Variants in GLIS3 observed in about 807,000 individuals in gnomAD.
GLIS3 encodes GLIS family zinc finger 3, also known as zinc finger protein GLIS3.
A neutral mutation model predicts 78.6 loss-of-function variants in GLIS3; 53 were observed. The ratio of observed to expected loss-of-function variants is 0.67; its 90% CI spans 0.54 to 0.85. GLIS3 has a LOEUF of 0.85. Ranked by LOEUF, GLIS3 falls within the 40% of genes least tolerant of loss-of-function variation. The pLI, the probability that GLIS3 is intolerant of heterozygous loss-of-function variation, is 0.00. For missense variants in GLIS3, 1,703 were observed against 1,231.1 expected, an observed-to-expected ratio of 1.38 and a Z score of -5.74; for synonymous variants, 684 against 509.9, an observed-to-expected ratio of 1.34 and a Z score of -4.60.
chr9:3,919,152 G>A (rs1436903078), intron 6 of GLIS3, among the ~76,000 whole-genome samples: 3 of 152,150 alleles, frequency 2.0e-5, no homozygotes, highest in Non-Finnish European at 4.4e-5. Context: ...AAAGCATGGG[G>A]AAAATCTACC....
intron 2 of GLIS3, among the ~76,000 whole-genome samples, chr9:4,192,917 C>T (rs1818462163): frequency 6.6e-6 from 1 of 152,072 alleles, no homozygotes; most frequent in African/African-American, 2.4e-5. Context: ...AAAGAAGTAT[C>T]TCAGTGTGGA....
chr9:4,374,842 A>G, the GLIS3 span, among the ~76,000 whole-genome samples: 3 of 152,250 alleles, frequency 2.0e-5, no homozygotes, highest in African/African-American at 7.2e-5. Context: ...ATCAACACAC[A>G]TGCACATATG....
intron 2 of GLIS3, among the ~76,000 whole-genome samples, chr9:4,208,807 T>C (rs1266439928): frequency 1.3e-5 from 2 of 152,206 alleles, no homozygotes; most frequent in Non-Finnish European, 2.9e-5. Flanking sequence ...AATGGGTGGC[T>C]GGCTCTTGGT....
intron 2 of GLIS3, among the ~76,000 whole-genome samples, chr9:4,335,762 G>A (rs1367440265): frequency 6.6e-6 from 1 of 152,156 alleles, no homozygotes. Context: ...GAACACACTT[G>A]GCATCCCCTG....
At chr9:4,363,953 A>T in the GLIS3 span, among the ~76,000 whole-genome samples, 2 of 152,302 alleles carry the variant, frequency 1.3e-5, no homozygotes, top group East Asian at 3.9e-4. Context: ...GTCCAGTATT[A>T]CAAAAGAGAT....
chr9:4,331,042 C>A (rs189311259), intron 2 of GLIS3, among the ~76,000 whole-genome samples: 1 of 152,182 alleles, frequency 6.6e-6, no homozygotes, highest in African/African-American at 2.4e-5. Flanking sequence ...CCTGAGCCAT[C>A]TGTATTTGTT....
intron 4 of GLIS3, among the ~76,000 whole-genome samples, chr9:4,101,026 G>A (rs1034304197): frequency 1.3e-5 from 2 of 152,180 alleles, no homozygotes; most frequent in Non-Finnish European, 2.9e-5. Flanking sequence ...AGTATGAAAT[G>A]AAGGAAACAT....
At chr9:4,441,085 A>G in the GLIS3 span, among the ~76,000 whole-genome samples, 1 of 152,168 alleles carries the variant, frequency 6.6e-6, no homozygotes, top group East Asian at 1.9e-4. Flanking sequence ...ATGTAAGATC[A>G]TGTTATCTGC....
At chr9:4,385,436 G>A in the GLIS3 span, among the ~76,000 whole-genome samples, 14 of 152,238 alleles carry the variant, frequency 9.2e-5, no homozygotes, top group East Asian at 1.5e-3. Flanking sequence ...GCCTGAGGCC[G>A]GTGGATCACC....
At position 4,250,569 on chromosome 9, in the gene GLIS3, G is replaced by A. The variant is rs190098025; in HGVS notation, c.388+35469C>T. Among the ~76,000 whole-genome samples the A allele has an allele frequency of 2.5e-3, 368 of 144,332 alleles. 1 individual carries two copies. The highest frequency in any genetic ancestry group is 8.2e-3 in the African/African-American group (339 of 41,280). The allele number at this position is 144,332 out of a possible 152,430, so 94.7% of individuals were successfully genotyped here. On this transcript the variant is annotated intron_variant, in intron 2 of 10. Transcript: ENST00000381971. ...TGATCTTTTCAAAAACCTAGCTCCC[G>A]TATTCATTAATTTTTTGAAGTGTTT...
chr9:4,118,822 G>C lies in GLIS3; in HGVS notation c.656C>G (p.Ser219Trp). Residue 219 changes from serine (S) to tryptophan (W), a missense_variant, in exon 4 of 11, where the codon TCG becomes TGG. By Grantham distance (177) the Ser-to-Trp change is radical. Coordinates refer to ENST00000381971, the MANE Select transcript of GLIS3 (RefSeq NM_001042413.2). The surrounding 1 kb of genome is among the most constrained non-coding windows in gnomAD (Gnocchi z 4.7). ...CCACTCCTGCTTCATGCTTGAGGCC[G>C]ACTGACTTTCCGTCAGACTCAAGGT... ...STTLSLTESQSASSMKQEWSQ... is the reference protein window; with the variant it reads ...STTLSLTESQWASSMKQEWSQ... 1.9e-6 allele frequency: 3 copies of C among 1,607,534 alleles called. No individual in the cohort carries two copies. Among genetic ancestry groups the C allele is most frequent in the South Asian group, 1.1e-5 (1 of 91,062 alleles).
At chr9:3,918,358 A>C (rs1403672701) in intron 6 of GLIS3, among the ~76,000 whole-genome samples, 1 of 152,152 alleles carries the variant, frequency 6.6e-6, no homozygotes, top group Non-Finnish European at 1.5e-5. Context: ...TTTCTGAACT[A>C]TCTTTTCAAA....
intron 4 of GLIS3, among the ~76,000 whole-genome samples, chr9:4,116,319 G>A (rs1262603429): frequency 2.0e-5 from 3 of 152,178 alleles, no homozygotes; most frequent in Non-Finnish European, 4.4e-5. Flanking sequence ...GCCTTCAATT[G>A]CTTGTTTCTT....
intron 2 of GLIS3, among the ~76,000 whole-genome samples, chr9:4,261,731 C>T (rs895106142): frequency 6.6e-6 from 1 of 152,192 alleles, no homozygotes; most frequent in African/African-American, 2.4e-5. Flanking sequence ...CGCAATTTCA[C>T]TAAACGCAAT....
At chr9:4,382,458 G>C in the GLIS3 span, among the ~76,000 whole-genome samples, 1 of 152,102 alleles carries the variant, frequency 6.6e-6, no homozygotes, top group South Asian at 2.1e-4. Flanking sequence ...AAATCTACAA[G>C]AATCTCCTCT....
intron 4 of GLIS3, among the ~76,000 whole-genome samples, chr9:4,025,157 C>G (rs1206161782): frequency 6.6e-6 from 1 of 151,422 alleles, no homozygotes; most frequent in Non-Finnish European, 1.5e-5. Flanking sequence ...GAGGCTGAGG[C>G]AGGAGAATCA....
chr9:3,992,187 A>G (rs528501024), intron 4 of GLIS3, among the ~76,000 whole-genome samples: 3 of 152,336 alleles, frequency 2.0e-5, no homozygotes, highest in Admixed American at 6.5e-5. Flanking sequence ...GACAAGGAGT[A>G]GTGGCATTTA....
At chr9:4,301,992 CTT>C (rs78812027), upstream of GLIS3, among the ~76,000 whole-genome samples, 7 of 132,820 alleles carry the variant, frequency 5.3e-5, no homozygotes, top group South Asian at 2.4e-4. Flanking sequence ...GAATTTTTTT[CTT>C]TTTTTTTTTT....
the GLIS3 span, among the ~76,000 whole-genome samples, chr9:4,373,009 G>A: frequency 2.5e-4 from 38 of 152,238 alleles, no homozygotes; most frequent in South Asian, 7.7e-3. Flanking sequence ...TTTGCAGAAA[G>A]CAAAAATGTA....
Sources: gnomAD v4.1 joint callset for allele counts (sites outside exome capture counted in the v4.1 genomes callset) on GRCh38, gnomAD v4.1.1 for gene constraint, Gnocchi (gnomAD v3.1) non-coding constraint, MANE v1.5 for transcripts, NCBI Gene and HGNC (gene_info 2026-07-23, HGNC 2026-07-21) for gene names.